KCNJ10: variants seen among roughly 807,000 people sequenced by gnomAD.
KCNJ10 encodes the protein ATP-sensitive inward rectifier potassium channel 10.
A neutral mutation model predicts 22.2 loss-of-function variants in KCNJ10; 9 were observed. The observed-to-expected ratio is 0.40, with a 90% CI of 0.24 to 0.71. The LOEUF is 0.71. Ranked by LOEUF, KCNJ10 falls within the 30% of genes least tolerant of loss-of-function variation. The pLI is 0.35. For synonymous variants in KCNJ10, 184 were observed against 187.3 expected (o/e 0.98, Z 0.15); for missense variants, 337 against 482.7 (o/e 0.70, Z 2.83).
Position 160,041,630 on chromosome 1 carries a change from CAGGT to C in KCNJ10, c.899_902del (p.Tyr300CysfsTer24). The C allele has an allele frequency of 6.2e-7, 1 of 1,614,164 alleles. No homozygotes were observed. The highest frequency in any genetic ancestry group is 8.5e-7 in the Non-Finnish European group (1 of 1,180,016). The stretch of plus-strand genomic sequence containing the variant: ...CGTAGCCCCAAAGGATCTCCTCTGG[CAGGT>C]AGGAAGTGCGCACCTGACAGGTGGC... On this transcript the variant is annotated frameshift_variant, in exon 2 of 2. Coordinates refer to ENST00000644903, the MANE Select transcript of KCNJ10 (RefSeq NM_002241.5). LOFTEE classifies it high-confidence loss of function. The surrounding 1 kb of genome is among the most constrained non-coding windows in gnomAD (Gnocchi z 4.4).
chr1:160,051,546 A>G (rs1648902912), intron 1 of KCNJ10, among the ~76,000 whole-genome samples: 1 of 151,990 alleles, frequency 6.6e-6, no homozygotes, highest in Non-Finnish European at 1.5e-5. Flanking sequence ...TCAAATTAAT[A>G]CTATAGTTTA....
chr1:160,057,100 GA>G, intron 1 of KCNJ10, among the ~76,000 whole-genome samples: 2 of 152,246 alleles, frequency 1.3e-5, no homozygotes, highest in Admixed American at 1.3e-4. Flanking sequence ...CTCATCTAAG[GA>G]GGCAATAAAA....
At chr1:160,062,139 C>A (rs941352105) in intron 1 of KCNJ10, among the ~76,000 whole-genome samples, 36 of 152,038 alleles carry the variant, frequency 2.4e-4, no homozygotes, top group African/African-American at 8.5e-4. Flanking sequence ...CTGCAGCCTG[C>A]CCTGTCAAAT....
At chr1:160,043,862 G>T (rs78153697) in intron 1 of KCNJ10, among the ~76,000 whole-genome samples, 2,689 of 152,338 alleles carry the variant, frequency 0.018, 74 homozygotes, top group African/African-American at 0.06. Context: ...TTCCAGCACA[G>T]AAAGAATTTT....
chr1:160,047,223 A>T (rs141611045), intron 1 of KCNJ10, among the ~76,000 whole-genome samples: 4 of 152,330 alleles, frequency 2.6e-5, no homozygotes, highest in Middle Eastern at 3.4e-3. Context: ...GAGTAAGGAC[A>T]CTGTTGTTCT....
In KCNJ10 at chr1:160,042,587, T is replaced by A; in HGVS notation, c.1-55A>T. 3 of 1,472,938 alleles carry A rather than the reference T, an allele frequency of 2.0e-6. No homozygotes were observed. In the South Asian group the frequency reaches 3.4e-5, roughly 17 times the overall value. The allele number at this position is 1,472,938 out of a possible 1,614,324, so 91.2% of individuals were successfully genotyped here. A position where few individuals can be genotyped will look rare whatever the true frequency, so the allele number is the denominator to read the frequency against. On this transcript the variant is annotated intron_variant, in intron 1 of 1. Coordinates refer to ENST00000644903, the MANE Select transcript of KCNJ10 (RefSeq NM_002241.5). Reference sequence around the variant, plus strand: ...TTATCGTAGAAATCCAGCTGACTCCTAACCCTCACCCCATGGGAGGGAGGA... The same window carrying A: ...TTATCGTAGAAATCCAGCTGACTCCAAACCCTCACCCCATGGGAGGGAGGA...
chr1:160,056,217 C>T (rs1284625992), intron 1 of KCNJ10, among the ~76,000 whole-genome samples: 6 of 152,156 alleles, frequency 3.9e-5, no homozygotes, highest in South Asian at 2.1e-4. Flanking sequence ...GTGCTCATCT[C>T]GGTCCTCGGC....
chr1:160,040,485 G>A lies in KCNJ10; in HGVS notation c.*908C>T, dbSNP rs932016531. ...GAGAAGCCAGGTACAGTGTAATCTGGAATATTATTTTCAGACCTTTCCATG... is the reference window on the plus strand; with the variant it reads ...GAGAAGCCAGGTACAGTGTAATCTGAAATATTATTTTCAGACCTTTCCATG... On this transcript the variant is annotated 3_prime_UTR_variant, in exon 2 of 2. Coordinates refer to ENST00000644903, the MANE Select transcript of KCNJ10 (RefSeq NM_002241.5). 5.0e-6 allele frequency: 2 copies of A among 398,482 alleles called. No individual in the cohort carries two copies. Among genetic ancestry groups the A allele is most frequent in the Non-Finnish European group, 4.4e-6 (1 of 226,076 alleles). The allele number at this position is 398,482 out of a possible 1,614,324, so 24.7% of individuals were successfully genotyped here.
At chr1:160,061,067 G>C (rs1649179254) in intron 1 of KCNJ10, among the ~76,000 whole-genome samples, 1 of 152,094 alleles carries the variant, frequency 6.6e-6, no homozygotes, top group African/African-American at 2.4e-5. Context: ...AAGGCTCCTA[G>C]ACCCGTTCTT....
Position 160,037,875 on chromosome 1 carries a change from T to C in KCNJ10, c.*3518A>G, listed in dbSNP as rs2101922938. ...GGGGGAATAATGGGGTGAAGCACATTGCAGAGATTTCGGAAGCCTCTCATG... is the reference window on the plus strand; with the variant it reads ...GGGGGAATAATGGGGTGAAGCACATCGCAGAGATTTCGGAAGCCTCTCATG... On this transcript the variant is annotated 3_prime_UTR_variant, in exon 2 of 2. Coordinates refer to ENST00000644903, the MANE Select transcript of KCNJ10 (RefSeq NM_002241.5). 6.6e-6 allele frequency: 1 copy of C among 152,542 alleles called. No individual in the cohort carries two copies. The highest frequency in any genetic ancestry group is 1.9e-4 in the East Asian group (1 of 5,184). 9.4% of individuals were successfully genotyped at this position (152,542 alleles called of 1,614,324 possible). A position where few individuals can be genotyped will look rare whatever the true frequency, so the allele number is the denominator to read the frequency against.
chr1:160,060,771 A>G (rs918486384), intron 1 of KCNJ10, among the ~76,000 whole-genome samples: 5 of 152,126 alleles, frequency 3.3e-5, no homozygotes, highest in Admixed American at 6.5e-5. Context: ...GGACCAGAAT[A>G]GCAGGTGAGC....
chr1:160,051,473 G>T (rs983707111), intron 1 of KCNJ10, among the ~76,000 whole-genome samples: 1 of 152,048 alleles, frequency 6.6e-6, no homozygotes, highest in Non-Finnish European at 1.5e-5. Flanking sequence ...ACAATTTATT[G>T]GTAGCAGAGC....
chr1:160,043,962 G>T (rs1648678305), intron 1 of KCNJ10, among the ~76,000 whole-genome samples: 1 of 152,172 alleles, frequency 6.6e-6, no homozygotes, highest in Non-Finnish European at 1.5e-5. Context: ...TCTTGGAGAG[G>T]CTCATTACAT....
At chr1:160,052,645 C>G (rs957194488) in intron 1 of KCNJ10, among the ~76,000 whole-genome samples, 21 of 152,182 alleles carry the variant, frequency 1.4e-4, no homozygotes, top group African/African-American at 5.1e-4. Context: ...AAAAGCCACT[C>G]AGAACTAAGA....
chr1:160,050,361 G>C (rs1648872139), intron 1 of KCNJ10, among the ~76,000 whole-genome samples: 1 of 150,636 alleles, frequency 6.6e-6, no homozygotes, highest in East Asian at 1.9e-4. Context: ...TCAAACTCCT[G>C]GGCTCAAGCC....
At chr1:160,049,285 T>C (rs1411457877) in intron 1 of KCNJ10, among the ~76,000 whole-genome samples, 1 of 152,192 alleles carries the variant, frequency 6.6e-6, no homozygotes, top group Admixed American at 6.5e-5. Flanking sequence ...AGTCTGCTTC[T>C]GAACCTGCTT....
chr1:160,059,527 C>A (rs903244629), intron 1 of KCNJ10, among the ~76,000 whole-genome samples: 1 of 152,176 alleles, frequency 6.6e-6, no homozygotes, highest in African/African-American at 2.4e-5. Context: ...AAACTCTTCC[C>A]CAGCCAACCA....
rs12074387 is a variant in KCNJ10 at position 160,050,324 on chromosome 1, G to A, written c.1-7792C>T. Among the ~76,000 whole-genome samples, 1,090 of 151,246 alleles carry A rather than the reference G, an allele frequency of 7.2e-3. 14 individuals are homozygous for A. The highest frequency in any genetic ancestry group is 0.025 in the African/African-American group (1,025 of 41,214). On this transcript the variant is annotated intron_variant, in intron 1 of 1. Coordinates refer to ENST00000644903, the MANE Select transcript of KCNJ10 (RefSeq NM_002241.5). ...AATTTTTTTTTTTTTGTAGAGATGGGATCCCACTATGTTGCCCAGGCTTGT... is the reference window on the plus strand; with the variant it reads ...AATTTTTTTTTTTTTGTAGAGATGGAATCCCACTATGTTGCCCAGGCTTGT...
rs188672122 is a variant in KCNJ10, at chr1:160,045,116, C to G, written c.1-2584G>C. On this transcript the variant is annotated intron_variant, in intron 1 of 1. Coordinates refer to ENST00000644903, the MANE Select transcript of KCNJ10 (RefSeq NM_002241.5). ...TACCTAAACTTCAGGAGATTTTTGA[C>G]AAGATCTCTCATTATGACCTGGGGA... Among the ~76,000 whole-genome samples the G allele has an allele frequency of 7.9e-5, 12 of 152,288 alleles. No homozygotes were observed. In the East Asian group the frequency reaches 2.3e-3, roughly 29 times the overall value.
Sources: allele counts gnomAD v4.1 joint callset (sites outside exome capture counted in the v4.1 genomes callset), GRCh38; gene constraint gnomAD v4.1.1; non-coding constraint Gnocchi (gnomAD v3.1); transcripts MANE v1.5; gene names NCBI Gene and HGNC (gene_info 2026-07-23, HGNC 2026-07-21).